Variants in ZNF804B observed in about 807,000 individuals in gnomAD.
ZNF804B encodes zinc finger protein 804B.
In ZNF804B, 80 loss-of-function variants were observed where a neutral mutation model predicts 101.4. The ratio of observed to expected loss-of-function variants is 0.79; its 90% CI spans 0.66 to 0.95. ZNF804B has a LOEUF of 0.95. Ranked by LOEUF, ZNF804B falls within the 40% of genes least tolerant of loss-of-function variation. ZNF804B has a pLI of 0.00. For synonymous variants in ZNF804B, 622 were observed against 558.8 expected (o/e 1.11, Z -1.59); for missense variants, 1,673 against 1,561.9 (o/e 1.07, Z -1.20).
At chr7:88,862,768 G>C (rs1791668773) in intron 1 of ZNF804B, among the ~76,000 whole-genome samples, 1 of 151,970 alleles carries the variant, frequency 6.6e-6, no homozygotes, top group Non-Finnish European at 1.5e-5. Flanking sequence ...TTGTTGTTTT[G>C]ATTCATCGAT....
rs139240967 is a variant in ZNF804B at position 88,933,658 on chromosome 7, C to CA, written c.108+173577dup. ...CACCAACAGTGACCAAGCTGAGTAT[C>CA]AAATCATGAACTCAATCCATTTTGC... On this transcript the variant is annotated intron_variant, in intron 1 of 3. Coordinates refer to ENST00000333190, the MANE Select transcript of ZNF804B (RefSeq NM_181646.5). Among the ~76,000 whole-genome samples, 446 of 151,944 alleles carry CA rather than the reference C, an allele frequency of 2.9e-3. 9 individuals are homozygous for CA. The South Asian group carries it at 0.034, about 12-fold the overall frequency.
chr7:89,271,050 C>T (rs544217020), intron 2 of ZNF804B, among the ~76,000 whole-genome samples: 28 of 152,206 alleles, frequency 1.8e-4, no homozygotes, highest in East Asian at 1.7e-3. Context: ...TAATTGAATA[C>T]CCTTTATTTC....
At chr7:88,949,598 T>C (rs1413500282) in intron 1 of ZNF804B, among the ~76,000 whole-genome samples, 2 of 151,952 alleles carry the variant, frequency 1.3e-5, no homozygotes, top group Non-Finnish European at 2.9e-5. Context: ...ATATAGAAAT[T>C]GCAGCTCTAT....
intron 1 of ZNF804B, among the ~76,000 whole-genome samples, chr7:89,007,446 T>TA (rs1788382638): frequency 0.026 from 1,510 of 57,182 alleles, 67 homozygotes; most frequent in East Asian, 0.047. Flanking sequence ...ATCCATGATT[T>TA]TATATATATA....
At chr7:88,906,340 T>C (rs567235173) in intron 1 of ZNF804B, among the ~76,000 whole-genome samples, 1 of 152,266 alleles carries the variant, frequency 6.6e-6, no homozygotes, top group East Asian at 1.9e-4. Flanking sequence ...GGTGCAAAGT[T>C]CAGTTGTTAA....
chr7:89,073,065 A>G (rs1444413416), intron 1 of ZNF804B, among the ~76,000 whole-genome samples: 1 of 152,188 alleles, frequency 6.6e-6, no homozygotes, highest in African/African-American at 2.4e-5. Context: ...ATAAAATAAT[A>G]AATTTCAGAA....
intron 1 of ZNF804B, among the ~76,000 whole-genome samples, chr7:88,769,951 A>C (rs1790037719): frequency 6.6e-6 from 1 of 152,214 alleles, no homozygotes. Flanking sequence ...TAGGGTAGAC[A>C]TACAGAAAGA....
At position 89,335,438 on chromosome 7, in the gene ZNF804B, G is replaced by A. The variant is rs897937129; in HGVS notation, c.2456G>A (p.Gly819Glu). The change falls in exon 4 of 4, where the codon GGG becomes GAG. Residue 819 changes from glycine (G) to glutamate (E), a missense_variant. Physicochemically the swap from Gly to Glu is moderately conservative, Grantham distance 98. Coordinates refer to ENST00000333190, the MANE Select transcript of ZNF804B (RefSeq NM_181646.5). The stretch of plus-strand genomic sequence containing the variant: ...GGCAAAAATCAACAACAATTTTCAG[G>A]GCTAAAATCTACGAGAATCATCTAT... ...KLGKNQQQFS[G>E]LKSTRIIYCD... 1.9e-6 allele frequency: 3 copies of A among 1,613,818 alleles called. No individual in the cohort carries two copies. In the East Asian group the frequency reaches 6.7e-5, roughly 36 times the overall value.
chr7:89,090,847 G>T (rs1789874337), intron 1 of ZNF804B, among the ~76,000 whole-genome samples: 1 of 151,832 alleles, frequency 6.6e-6, no homozygotes, highest in African/African-American at 2.4e-5. Flanking sequence ...CCCACAGAGA[G>T]TATAAAGGAA....
intron 1 of ZNF804B, among the ~76,000 whole-genome samples, chr7:88,879,710 C>T (rs1259998312): frequency 6.6e-6 from 1 of 152,028 alleles, no homozygotes. Flanking sequence ...ATTTTTAAAG[C>T]TTCCCGAGTT....
intron 1 of ZNF804B, among the ~76,000 whole-genome samples, chr7:88,861,893 G>C (rs949602100): frequency 6.6e-6 from 1 of 152,090 alleles, no homozygotes; most frequent in Non-Finnish European, 1.5e-5. Context: ...TAGAATTATG[G>C]GAACAAGAAG....
chr7:88,859,798 A>T (rs1014294824), intron 1 of ZNF804B, among the ~76,000 whole-genome samples: 11 of 151,910 alleles, frequency 7.2e-5, no homozygotes, highest in African/African-American at 2.7e-4. Context: ...TGTTTAAGCT[A>T]ATATTATATA....
At chr7:88,988,333 ATG>A (rs944402338) in intron 1 of ZNF804B, among the ~76,000 whole-genome samples, 1 of 152,106 alleles carries the variant, frequency 6.6e-6, no homozygotes, top group Non-Finnish European at 1.5e-5. Flanking sequence ...TCTATTGAAA[ATG>A]TGGAGACTTG....
chr7:88,918,199 A>G (rs978195753), intron 1 of ZNF804B, among the ~76,000 whole-genome samples: 1 of 152,160 alleles, frequency 6.6e-6, no homozygotes, highest in Admixed American at 6.6e-5. Context: ...TGAGCCTTAG[A>G]TCTAGTATTC....
chr7:88,901,762 A>G (rs1754049358), intron 1 of ZNF804B, among the ~76,000 whole-genome samples: 1 of 151,946 alleles, frequency 6.6e-6, no homozygotes, highest in Non-Finnish European at 1.5e-5. Context: ...CACGATACAT[A>G]GTTAAGCTGA....
intron 1 of ZNF804B, among the ~76,000 whole-genome samples, chr7:89,182,693 T>C (rs1054752890): frequency 6.6e-6 from 1 of 152,172 alleles, no homozygotes; most frequent in African/African-American, 2.4e-5. Context: ...GCAATGGTTA[T>C]GGAAAATTAT....
Position 89,335,948 on chromosome 7 carries a change from G to A in ZNF804B, c.2966G>A (p.Ser989Asn). 1.2e-6 allele frequency: 2 copies of A among 1,614,036 alleles called. No individual in the cohort carries two copies. Among genetic ancestry groups the A allele is most frequent in the Non-Finnish European group, 1.7e-6 (2 of 1,179,974 alleles). Residue 989 changes from serine to asparagine, a missense_variant, in exon 4 of 4, where the codon AGC (serine) becomes AAC (asparagine). By Grantham distance (46) the Ser-to-Asn change is conservative (BLOSUM62 1). Coordinates refer to ENST00000333190, the MANE Select transcript of ZNF804B (RefSeq NM_181646.5). ...LSEKIQYASE[S>N]RNDQDSAIPR... Reference sequence around the variant, plus strand: ...GAAAAAATACAGTATGCAAGTGAGAGCAGAAATGATCAAGACAGTGCAATT... The same window carrying A: ...GAAAAAATACAGTATGCAAGTGAGAACAGAAATGATCAAGACAGTGCAATT...
At chr7:89,327,546 A>G (rs540707632) in intron 3 of ZNF804B, 72 bp downstream of exon 3, 13 of 1,559,348 alleles carry the variant, frequency 8.3e-6, no homozygotes, top group Non-Finnish European at 1.0e-5. Context: ...AGGCAAATCT[A>G]CTGTAACAAT....
chr7:89,309,759 C>CAAAA lies in ZNF804B; in HGVS notation c.250-17550_250-17547dup, dbSNP rs397791531. On this transcript the variant is annotated intron_variant, in intron 2 of 3. Transcript: ENST00000333190. ...TGGGCTACAGAGTGAGACCCTGTCTCAAAAAAAAAAAAAAAAAAAAAAAAA... is the reference window on the plus strand; with the variant it reads ...TGGGCTACAGAGTGAGACCCTGTCTCAAAAAAAAAAAAAAAAAAAAAAAAAAAAA... 1.0e-3 allele frequency among the ~76,000 whole-genome samples: 72 copies of CAAAA among 70,776 alleles called. 6 individuals carry two copies. Among genetic ancestry groups the CAAAA allele is most frequent in the Non-Finnish European group, 1.2e-3 (46 of 39,600 alleles). 46.4% of individuals were successfully genotyped at this position (70,776 alleles called of 152,430 possible).
Sources: gnomAD v4.1 joint callset for allele counts (sites outside exome capture counted in the v4.1 genomes callset) on GRCh38, gnomAD v4.1.1 for gene constraint, MANE v1.5 for transcripts, NCBI Gene and HGNC (gene_info 2026-07-23, HGNC 2026-07-21) for gene names.